PRKCE: variants seen among roughly 807,000 people sequenced by gnomAD.
The protein encoded by PRKCE is protein kinase C epsilon.
Under a neutral mutation model 85.4 loss-of-function variants are expected in PRKCE, and 16 were observed. That is an observed-to-expected ratio of 0.19 (90% CI 0.13 to 0.28). The LOEUF (loss-of-function observed/expected upper bound fraction) is 0.28, where lower values mean the gene tolerates loss of function less well. Among genes scored for constraint, PRKCE ranks in the 10% least tolerant of loss-of-function variants. The pLI is 1.00. For missense variants in PRKCE, 573 were observed against 975.2 expected, an observed-to-expected ratio of 0.59 and a Z score of 5.49; for synonymous variants, 388 against 371.5, an observed-to-expected ratio of 1.04 and a Z score of -0.51.
At chr2:45,957,763 C>T (rs1701068020) in intron 2 of PRKCE, among the ~76,000 whole-genome samples, 2 of 152,098 alleles carry the variant, frequency 1.3e-5, no homozygotes, top group Admixed American at 6.5e-5. Context: ...AAGACCCAGA[C>T]AGGCAGGGCA....
chr2:46,150,960 C>A (rs924348341), intron 12 of PRKCE, 81 bp from the exon 13 acceptor site: 1 of 1,332,662 alleles, frequency 7.5e-7, no homozygotes, highest in Non-Finnish European at 1.0e-6. Flanking sequence ...AATTGAAGTC[C>A]TTCCCATGGG....
chr2:45,720,298 C>T (rs1258860896), intron 1 of PRKCE, among the ~76,000 whole-genome samples: 2 of 152,114 alleles, frequency 1.3e-5, no homozygotes, highest in African/African-American at 4.8e-5. Flanking sequence ...CTATCATTTC[C>T]ACCTATCGGT....
intron 1 of PRKCE, chr2:45,678,002 C>A (rs1676607499): frequency 3.2e-6 from 2 of 625,596 alleles, no homozygotes; most frequent in Non-Finnish European, 4.0e-6. Context: ...AGCTGAGGAA[C>A]CTTTTAGAAC....
At chr2:46,161,644 G>T (rs1027238219) in intron 14 of PRKCE, among the ~76,000 whole-genome samples, 1 of 152,138 alleles carries the variant, frequency 6.6e-6, no homozygotes, top group African/African-American at 2.4e-5. Context: ...AGGAGAGAGA[G>T]GGTCTGGGGT....
At chr2:46,117,029 A>G (rs1340052193) in intron 11 of PRKCE, among the ~76,000 whole-genome samples, 2 of 152,274 alleles carry the variant, frequency 1.3e-5, no homozygotes, top group African/African-American at 2.4e-5. Flanking sequence ...TAGTTTTAAT[A>G]GCTCAGAATC....
chr2:45,846,074 C>T (rs1451385403), intron 2 of PRKCE, among the ~76,000 whole-genome samples: 1 of 152,238 alleles, frequency 6.6e-6, no homozygotes, highest in East Asian at 1.9e-4. Context: ...CAGTCTCAGT[C>T]CATGTTTTAC....
rs566250848 is a variant in PRKCE at position 45,761,187 on chromosome 2, T to C, written c.349-81813T>C. Among the ~76,000 whole-genome samples the C allele has an allele frequency of 9.9e-5, 15 of 151,002 alleles. No individual in the cohort carries two copies. In the East Asian group the frequency reaches 2.2e-3, roughly 22 times the overall value. ...CTAAAAATACAAAAAATTAGCCGAG[T>C]GTGGTGGTGGGCGCCTGTGGTCTCA... is the stretch of plus-strand genomic sequence containing the variant. On this transcript the variant is annotated intron_variant, in intron 1 of 14. Transcript: ENST00000306156.
chr2:45,661,619 C>T (rs1383028242), intron 1 of PRKCE, among the ~76,000 whole-genome samples: 2 of 148,042 alleles, frequency 1.4e-5, no homozygotes, highest in Non-Finnish European at 3.0e-5. Context: ...AGCTCCGCCT[C>T]CCGGGTTCAC....
chr2:45,717,415 A>G (rs1333507582), intron 1 of PRKCE, among the ~76,000 whole-genome samples: 1 of 152,192 alleles, frequency 6.6e-6, no homozygotes, highest in African/African-American at 2.4e-5. Flanking sequence ...CCATCTATTT[A>G]TCTATACATG....
intron 11 of PRKCE, among the ~76,000 whole-genome samples, chr2:46,108,802 G>A (rs1354831661): frequency 1.3e-5 from 2 of 152,008 alleles, no homozygotes; most frequent in East Asian, 3.9e-4. Context: ...TGTCTCCTGT[G>A]TTTTATTGTA....
intron 2 of PRKCE, among the ~76,000 whole-genome samples, chr2:45,917,512 C>G (rs1420071662): frequency 6.6e-6 from 1 of 152,216 alleles, no homozygotes; most frequent in Non-Finnish European, 1.5e-5. Context: ...AAACCTTGAG[C>G]TAGATACAGA....
intron 10 of PRKCE, among the ~76,000 whole-genome samples, chr2:46,045,550 C>G (rs982315947): frequency 2.6e-5 from 4 of 152,224 alleles, no homozygotes; most frequent in African/African-American, 9.6e-5. Context: ...TCTCTCCTCC[C>G]TCTGGTATCA....
chr2:45,797,548 C>G (rs555218289), intron 1 of PRKCE, among the ~76,000 whole-genome samples: 1 of 152,324 alleles, frequency 6.6e-6, no homozygotes, highest in Admixed American at 6.5e-5. Context: ...AGGCTGAGGC[C>G]GTTGTTCTCC....
intron 10 of PRKCE, among the ~76,000 whole-genome samples, chr2:46,014,719 CA>C (rs1574231343): frequency 2.6e-5 from 4 of 152,202 alleles, no homozygotes; most frequent in African/African-American, 9.7e-5. Context: ...ACTCTGAACT[CA>C]TGCCAATTAC....
intron 2 of PRKCE, among the ~76,000 whole-genome samples, chr2:45,968,720 C>A (rs552674761): frequency 2.0e-5 from 3 of 152,288 alleles, no homozygotes; most frequent in East Asian, 3.9e-4. Flanking sequence ...GTGCCCCTGA[C>A]CCCACATGAG....
intron 2 of PRKCE, among the ~76,000 whole-genome samples, chr2:45,892,258 G>T (rs1344352580): frequency 6.6e-6 from 1 of 152,194 alleles, no homozygotes; most frequent in Admixed American, 6.5e-5. Context: ...AGTGTGCATT[G>T]CTCAGTAAGC....
intron 2 of PRKCE, among the ~76,000 whole-genome samples, chr2:45,904,022 C>T (rs1696787432): frequency 6.6e-6 from 1 of 151,750 alleles, no homozygotes; most frequent in African/African-American, 2.4e-5. Context: ...TCGTGCCTCA[C>T]CCTTTGGAGT....
At chr2:46,123,673 A>T (rs1673563096) in intron 11 of PRKCE, among the ~76,000 whole-genome samples, 1 of 152,064 alleles carries the variant, frequency 6.6e-6, no homozygotes, top group South Asian at 2.1e-4. Context: ...ATTAGTAGAG[A>T]TAGGGTTTTG....
At chr2:46,108,070 T>G (rs7561920) in intron 11 of PRKCE, among the ~76,000 whole-genome samples, 63,861 of 151,970 alleles carry the variant, frequency 0.42, 14,610 homozygotes, top group East Asian at 0.53. Context: ...TGGGGCTACA[T>G]GTGTGTGCCA....
Sources: gnomAD v4.1 joint callset for allele counts (sites outside exome capture counted in the v4.1 genomes callset) on GRCh38, gnomAD v4.1.1 for gene constraint, MANE v1.5 for transcripts, NCBI Gene and HGNC (gene_info 2026-07-23, HGNC 2026-07-21) for gene names.